Variants in NFATC1 observed in about 807,000 individuals in gnomAD.
The protein encoded by NFATC1 is nuclear factor of activated T-cells, cytoplasmic 1.
Under a neutral mutation model 76.0 loss-of-function variants are expected in NFATC1, and 22 were observed. That is an observed-to-expected ratio of 0.29 (90% CI 0.21 to 0.41). The LOEUF is 0.41. Ranked by LOEUF, NFATC1 falls within the 10% of genes least tolerant of loss-of-function variation. NFATC1 has a pLI of 1.00. For synonymous variants in NFATC1, 704 were observed against 613.1 expected (o/e 1.15, Z -2.19); for missense variants, 1,357 against 1,337.7 (o/e 1.01, Z -0.23).
chr18:79,422,400 G>A (rs531019249), intron 2 of NFATC1: 1 of 152,262 alleles, frequency 6.6e-6, no homozygotes, highest in South Asian at 2.1e-4. Context: ...GGTCCGAGAA[G>A]AGTCCGCGTG....
At chr18:79,502,993 C>G (rs867597922) in intron 9 of NFATC1, among the ~76,000 whole-genome samples, 7 of 152,332 alleles carry the variant, frequency 4.6e-5, no homozygotes, top group African/African-American at 1.7e-4. Flanking sequence ...GAAACAGATG[C>G]ACACATCCAC....
At chr18:79,406,332 G>T (rs911370951) in intron 1 of NFATC1, among the ~76,000 whole-genome samples, 1 of 152,224 alleles carries the variant, frequency 6.6e-6, no homozygotes, top group Admixed American at 6.5e-5. Flanking sequence ...GGTCTGGACA[G>T]TGAGGGGAAG....
At chr18:79,461,260 G>A (rs1248837203) in intron 6 of NFATC1, 51 bp from the exon 7 acceptor site, 1 of 1,600,266 alleles carries the variant, frequency 6.2e-7, no homozygotes, top group Non-Finnish European at 8.6e-7. Context: ...GTCTGGGGAG[G>A]GGGCTCCCCA....
chr18:79,502,322 C>T (rs1185671541), intron 9 of NFATC1, among the ~76,000 whole-genome samples: 4 of 152,266 alleles, frequency 2.6e-5, no homozygotes, highest in African/African-American at 2.4e-5. Context: ...CACCACGCAC[C>T]GAAAATGAAC....
At chr18:79,439,126 C>G (rs1485013664) in intron 3 of NFATC1, among the ~76,000 whole-genome samples, 1 of 152,172 alleles carries the variant, frequency 6.6e-6, no homozygotes, top group Non-Finnish European at 1.5e-5. Context: ...GGACAGATTA[C>G]CACAGCACGC....
Position 79,410,560 on chromosome 18 carries a change from T to C in NFATC1, c.285T>C (p.Gly95=). ...HPSGYGAALD[G]GPAGYFLSSG... is the part of the protein sequence containing the mutation. ...CGGGGTACGGAGCAGCTTTGGACGG[T>C]GGGCCCGCGGGCTACTTCCTCTCCT... Residue 95 remains glycine, a synonymous_variant, in exon 2 of 10, where the codon GGT becomes GGC. Coordinates refer to ENST00000427363, the MANE Select transcript of NFATC1 (RefSeq NM_001278669.2). The surrounding 1 kb of genome is among the most constrained non-coding windows in gnomAD (Gnocchi z 6.7). The C allele has an allele frequency of 6.2e-7, 1 of 1,611,614 alleles. No homozygotes were observed. Among genetic ancestry groups the C allele is most frequent in the Non-Finnish European group, 8.5e-7 (1 of 1,179,986 alleles).
chr18:79,469,899 G>A (rs1414210297), intron 8 of NFATC1: 16 of 985,360 alleles, frequency 1.6e-5, no homozygotes, highest in Non-Finnish European at 1.9e-5. Flanking sequence ...CAGACTGTGA[G>A]CCCCTCAGGC....
intron 8 of NFATC1, among the ~76,000 whole-genome samples, 154 bp from the exon 9 acceptor site, chr18:79,486,094 C>CT (rs58384557): frequency 0.16 from 24,031 of 147,804 alleles, 2,878 homozygotes; most frequent in African/African-American, 0.34. Flanking sequence ...TGACTCACGC[C>CT]TTTTTTTTTT....
At chr18:79,516,042 A>C (rs969236167) in intron 9 of NFATC1, 2 of 151,802 alleles carry the variant, frequency 1.3e-5, no homozygotes, top group Admixed American at 1.3e-4. Context: ...GGAATCTCCC[A>C]GGCACGTGGT....
intron 8 of NFATC1, among the ~76,000 whole-genome samples, chr18:79,482,005 T>C (rs1269304719): frequency 2.3e-5 from 3 of 128,914 alleles, no homozygotes; most frequent in Admixed American, 8.0e-5. Flanking sequence ...TGGGGTGTCA[T>C]TCCAGTGTGA....
chr18:79,441,469 G>A (rs2086973088), intron 3 of NFATC1, among the ~76,000 whole-genome samples: 1 of 152,154 alleles, frequency 6.6e-6, no homozygotes, highest in Non-Finnish European at 1.5e-5. Context: ...GGCTTGTGGG[G>A]GAGGCAGGAT....
chr18:79,404,217 G>A (rs2085359071), intron 1 of NFATC1, among the ~76,000 whole-genome samples: 1 of 152,262 alleles, frequency 6.6e-6, no homozygotes, highest in African/African-American at 2.4e-5. Flanking sequence ...TGGGCCCCGG[G>A]CTGGACGAAG....
Position 79,448,882 on chromosome 18 carries a change from G to A in NFATC1, c.1487G>A (p.Arg496His), listed in dbSNP as rs1242324944. 8 of 1,613,624 alleles carry A rather than the reference G, an allele frequency of 5.0e-6. No homozygotes were observed. Among genetic ancestry groups the A allele is most frequent in the South Asian group, 1.1e-5 (1 of 91,092 alleles). ...CCGCACGCCTTCTACCAGGTGCACC[G>A]CATCACAGGGAAGACCGTGTCCACC... ...LRPHAFYQVH[R>H]ITGKTVSTTS... Residue 496 changes from arginine to histidine, a missense_variant, in exon 4 of 10, where the codon CGC becomes CAC. Transcript: ENST00000427363.
intron 2 of NFATC1, among the ~76,000 whole-genome samples, chr18:79,433,110 C>G (rs542068338): frequency 6.4e-4 from 97 of 152,326 alleles, no homozygotes; most frequent in Non-Finnish European, 1.3e-3. Flanking sequence ...AATTTGGGGG[C>G]TGGCGGCGCT....
At chr18:79,447,887 C>T (rs2087282559) in intron 3 of NFATC1, among the ~76,000 whole-genome samples, 1 of 152,262 alleles carries the variant, frequency 6.6e-6, no homozygotes. Context: ...GAGGGAACGG[C>T]ACCACACTCT....
rs536941129 is a variant in NFATC1, at chr18:79,463,013, TC to T, written c.1959+1650del. ...TGGAGAGCGGTGCTGGCACCTTCACTCCCTGTCCCAAGAGGTGGCTCTGTCA... is the reference window on the plus strand; with the variant it reads ...TGGAGAGCGGTGCTGGCACCTTCACTCCTGTCCCAAGAGGTGGCTCTGTCA... On this transcript the variant is annotated intron_variant, in intron 7 of 9. Coordinates refer to ENST00000427363, the MANE Select transcript of NFATC1 (RefSeq NM_001278669.2). 1.6e-3 allele frequency among the ~76,000 whole-genome samples: 240 copies of T among 152,342 alleles called. 1 individual carries two copies. Among genetic ancestry groups the T allele is most frequent in the African/African-American group, 5.1e-3 (210 of 41,580 alleles).
At chr18:79,461,627 C>T (rs1390262493) in intron 7 of NFATC1, among the ~76,000 whole-genome samples, 1 of 152,224 alleles carries the variant, frequency 6.6e-6, no homozygotes, top group Non-Finnish European at 1.5e-5. Flanking sequence ...GCTGGACAGG[C>T]TGAGGGCCAC....
chr18:79,472,203 C>T (rs191538462), intron 8 of NFATC1, among the ~76,000 whole-genome samples: 86 of 152,222 alleles, frequency 5.6e-4, no homozygotes, highest in African/African-American at 1.9e-3. Context: ...CAGATCCCAC[C>T]ACCCAGGGTC....
At chr18:79,423,801 G>A (rs945246421) in intron 2 of NFATC1, among the ~76,000 whole-genome samples, 33 of 152,284 alleles carry the variant, frequency 2.2e-4, no homozygotes, top group African/African-American at 4.8e-4. Context: ...CCTCTGGGCC[G>A]CCTTCCCTCC....
Sources: gnomAD v4.1 joint callset for allele counts (sites outside exome capture counted in the v4.1 genomes callset) on GRCh38, gnomAD v4.1.1 for gene constraint, Gnocchi (gnomAD v3.1) non-coding constraint, MANE v1.5 for transcripts, NCBI Gene and HGNC (gene_info 2026-07-23, HGNC 2026-07-21) for gene names.